Variants in COL5A1 observed in about 807,000 individuals in gnomAD.
COL5A1 encodes the protein collagen type V alpha 1 chain.
Under a neutral mutation model 263.7 loss-of-function variants are expected in COL5A1, and 16 were observed. That is an observed-to-expected ratio of 0.06 (90% CI 0.04 to 0.09). The LOEUF (loss-of-function observed/expected upper bound fraction) is 0.09, where lower values mean the gene tolerates loss of function less well. Among genes scored for constraint, COL5A1 ranks in the 10% least tolerant of loss-of-function variants. COL5A1 has a pLI of 1.00. For synonymous variants in COL5A1, 1,012 were observed against 1,004.5 expected, an observed-to-expected ratio of 1.01 and a Z score of -0.14; for missense variants, 2,036 against 2,540.5, an observed-to-expected ratio of 0.80 and a Z score of 4.27.
chr9:134,793,046 G>A (rs1837774569), intron 32 of COL5A1, among the ~76,000 whole-genome samples: 1 of 152,148 alleles, frequency 6.6e-6, no homozygotes, highest in African/African-American at 2.4e-5. Flanking sequence ...GGCCAGACGT[G>A]GAAATGGCAG....
At chr9:134,762,050 A>C (rs935663443) in intron 19 of COL5A1, 72 bp downstream of exon 19, 57 of 1,512,420 alleles carry the variant, frequency 3.8e-5, no homozygotes, top group Non-Finnish European at 4.5e-5. Flanking sequence ...GGAAAACCAC[A>C]GAAGAGAGGC....
At chr9:134,763,283 C>T (rs1006359364) in intron 19 of COL5A1, among the ~76,000 whole-genome samples, 2 of 152,208 alleles carry the variant, frequency 1.3e-5, no homozygotes, top group African/African-American at 2.4e-5. Flanking sequence ...CTGTACTTTC[C>T]AGGCTGTTTA....
At chr9:134,830,482 C>T in intron 64 of COL5A1, 1 of 495,436 alleles carries the variant, frequency 2.0e-6, no homozygotes, top group Admixed American at 3.4e-5. Flanking sequence ...GCCCCAGGCA[C>T]CTGAGCACTG....
At chr9:134,759,874 A>ACACCCCCACACTCACACATG (rs1226191844) in intron 18 of COL5A1, among the ~76,000 whole-genome samples, 1 of 84,224 alleles carries the variant, frequency 1.2e-5, no homozygotes, top group South Asian at 4.7e-4. Flanking sequence ...TCACACATGC[A>ACACCCCCACACTCACACATG]CACACACCAC....
chr9:134,666,618 T>C (rs1832367220), intron 1 of COL5A1, among the ~76,000 whole-genome samples: 1 of 152,120 alleles, frequency 6.6e-6, no homozygotes. Context: ...GGCCTTTGCC[T>C]CTCTTGTTTG....
chr9:134,796,728 G>T, intron 35 of COL5A1, 120 bp from the exon 36 acceptor site: 1 of 962,370 alleles, frequency 1.0e-6, no homozygotes, highest in South Asian at 1.3e-5. Context: ...TGGAGGAAAG[G>T]CCATGGGGGT....
chr9:134,785,660 A>G (rs1379435425), intron 30 of COL5A1, among the ~76,000 whole-genome samples: 1 of 152,226 alleles, frequency 6.6e-6, no homozygotes, highest in Non-Finnish European at 1.5e-5. Context: ...ACGTGGACCC[A>G]TACAAAAGGG....
At chr9:134,759,289 C>T (rs950294412) in intron 18 of COL5A1, among the ~76,000 whole-genome samples, 4 of 126,380 alleles carry the variant, frequency 3.2e-5, no homozygotes, top group African/African-American at 1.1e-4. Flanking sequence ...TGCACACACA[C>T]GCATACACAC....
intron 1 of COL5A1, among the ~76,000 whole-genome samples, chr9:134,676,541 G>C (rs1197182738): frequency 1.8e-5 from 2 of 111,112 alleles, no homozygotes. Context: ...GCCCTAAAGG[G>C]GGGCATGGCA....
Position 134,700,156 on chromosome 9 carries a change from C to T in COL5A1, c.491+34C>T. On this transcript the variant is annotated intron_variant, in intron 3 of 65. Transcript: ENST00000371817. The surrounding 1 kb of genome is among the most constrained non-coding windows in gnomAD (Gnocchi z 4.0). Reference sequence around the variant, plus strand: ...GCACTTCTGGGCAACTGTCCCCCTGCTGGAGGGGGGATCAGGCCAGCTCAT... The same window carrying T: ...GCACTTCTGGGCAACTGTCCCCCTGTTGGAGGGGGGATCAGGCCAGCTCAT... 2 of 1,587,114 alleles carry T rather than the reference C, an allele frequency of 1.3e-6. No homozygotes were observed. The highest frequency in any genetic ancestry group is 1.7e-6 in the Non-Finnish European group (2 of 1,170,646).
At chr9:134,705,044 C>T (rs1833791984) in intron 4 of COL5A1, among the ~76,000 whole-genome samples, 1 of 152,224 alleles carries the variant, frequency 6.6e-6, no homozygotes, top group South Asian at 2.1e-4. Context: ...CCCAATCTTC[C>T]CCTGGAAGGA....
rs370358366 is a variant in COL5A1, at chr9:134,818,808, G to A, written c.4339-40G>A. The stretch of plus-strand genomic sequence containing the variant: ...CAGAGGGGTTGCCGAGTGGAGGGAC[G>A]GGGGACCAGCAACTCATGCAGAGCG... On this transcript the variant is annotated intron_variant, in intron 55 of 65. Transcript: ENST00000371817. This position sits in a 1 kb window ranked among gnomAD's most constrained non-coding sequence, Gnocchi z 6.0. The A allele has an allele frequency of 8.7e-6, 14 of 1,612,400 alleles. No individual in the cohort carries two copies. The highest frequency in any genetic ancestry group is 2.7e-5 in the African/African-American group (2 of 74,888).
chr9:134,808,152 G>T (rs945996888), intron 42 of COL5A1, among the ~76,000 whole-genome samples: 4 of 152,166 alleles, frequency 2.6e-5, no homozygotes, highest in African/African-American at 9.7e-5. Flanking sequence ...GGGAGGAATG[G>T]TAAGACGAAA....
Position 134,814,023 on chromosome 9 carries a change from A to G in COL5A1, c.3893A>G (p.Glu1298Gly). ...GCAGGTGAGCCTGGCCTTCCGGGAG[A>G]AGGCGGCCCCCCGGTGAGTGAGCGG... is the stretch of plus-strand genomic sequence containing the variant. The part of the protein sequence containing the change: ...GEAGEPGLPG[E>G]GGPPGPKGER... The change falls in exon 49 of 66, where the codon GAA becomes GGA. Residue 1298 changes from glutamate (E) to glycine (G), a missense_variant. This residue lies in a region of COL5A1 where 1,078 missense variants were observed against 1,521.4 expected (regional missense o/e 0.71). Transcript: ENST00000371817. 1 of 1,550,760 alleles carries G rather than the reference A, an allele frequency of 6.4e-7. No individual in the cohort carries two copies. The highest frequency in any genetic ancestry group is 8.7e-7 in the Non-Finnish European group (1 of 1,147,000).
chr9:134,785,205 T>G (rs1588546214), intron 30 of COL5A1, 109 bp downstream of exon 30: 1 of 811,938 alleles, frequency 1.2e-6, no homozygotes, highest in Non-Finnish European at 2.0e-6. Flanking sequence ...GGGGTGGGGG[T>G]GATTCCTGAG....
chr9:134,764,735 G>T (rs761764379), intron 20 of COL5A1, among the ~76,000 whole-genome samples: 125 of 152,088 alleles, frequency 8.2e-4, no homozygotes, highest in Non-Finnish European at 1.2e-3. Flanking sequence ...ACTCATTTGG[G>T]ACTAAATTAT....
intron 58 of COL5A1, among the ~76,000 whole-genome samples, chr9:134,820,713 T>C (rs1191474993): frequency 6.6e-6 from 1 of 152,118 alleles, no homozygotes; most frequent in Non-Finnish European, 1.5e-5. Flanking sequence ...GGAAACGCCA[T>C]GCAGAGAGCT....
At chr9:134,803,694 T>G (rs1252403620) in intron 39 of COL5A1, among the ~76,000 whole-genome samples, 1 of 151,442 alleles carries the variant, frequency 6.6e-6, no homozygotes, top group African/African-American at 2.4e-5. Flanking sequence ...TACAAAAAAA[T>G]TAGCTGGGTG....
rs1235517824 is a variant in COL5A1, at chr9:134,669,289, T to TCCCTC, written c.110-21603_110-21599dup. Among the ~76,000 whole-genome samples the TCCCTC allele has an allele frequency of 5.4e-3, 357 of 66,248 alleles. 10 individuals are homozygous for TCCCTC. The highest frequency in any genetic ancestry group is 0.015 in the African/African-American group (190 of 12,580). The allele number at this position is 66,248 out of a possible 152,430, so 43.5% of individuals were successfully genotyped here. ...TCCCTTCCCTTCCCTTCCCTTCCCT[T>TCCCTC]CCCTCCCCTCCCCTCCCCTCCCCTT... On this transcript the variant is annotated intron_variant, in intron 1 of 65. Coordinates refer to ENST00000371817, the MANE Select transcript of COL5A1 (RefSeq NM_000093.5).
Sources: gnomAD v4.1 joint callset for allele counts (sites outside exome capture counted in the v4.1 genomes callset) on GRCh38, gnomAD v4.1.1 for gene constraint, gnomAD v4.1.1 regional missense constraint, Gnocchi (gnomAD v3.1) non-coding constraint, MANE v1.5 for transcripts, NCBI Gene and HGNC (gene_info 2026-07-23, HGNC 2026-07-21) for gene names.